Variants in ANKRD17 observed in about 807,000 individuals in gnomAD.
ANKRD17 encodes ankyrin repeat domain 17, also known as ankyrin repeat domain-containing protein 17.
Under a neutral mutation model 229.7 loss-of-function variants are expected in ANKRD17, and 19 were observed. The ratio of observed to expected loss-of-function variants is 0.08; its 90% CI spans 0.06 to 0.12. The LOEUF (loss-of-function observed/expected upper bound fraction) is 0.12. Among genes scored for constraint, ANKRD17 ranks in the 10% least tolerant of loss-of-function variants. The probability of loss-of-function intolerance (pLI) is 1.00; values close to 1 mark genes in which losing one functional copy is unlikely to be tolerated. For synonymous variants in ANKRD17, 1,112 were observed against 1,146.1 expected (o/e 0.97, Z 0.60); for missense variants, 2,176 against 3,176.8 (o/e 0.68, Z 7.57).
In ANKRD17 at chr4:73,125,409, A is replaced by T. The variant is rs1181840935; in HGVS notation, c.3235-97T>A. 5.7e-6 allele frequency: 5 copies of T among 880,834 alleles called. No homozygotes were observed. The East Asian group carries it at 1.1e-4, about 19-fold the overall frequency. The allele number at this position is 880,834 out of a possible 1,614,324, so 54.6% of individuals were successfully genotyped here. A position where few individuals can be genotyped will look rare whatever the true frequency, so the allele number is the denominator to read the frequency against. ...ACATATCAAATACACACAAATACAT[A>T]TGTACCACTCTACAATATCAAGCAT... On this transcript the variant is annotated intron_variant, in intron 16 of 33. Transcript: ENST00000358602.
At chr4:73,174,072 G>T (rs1469793660) in intron 2 of ANKRD17, among the ~76,000 whole-genome samples, 1 of 122,178 alleles carries the variant, frequency 8.2e-6, no homozygotes, top group Admixed American at 8.6e-5. Flanking sequence ...AAGGGAGAAG[G>T]AAGGCGAGGG....
At chr4:73,250,972 T>G (rs909415704) in intron 1 of ANKRD17, among the ~76,000 whole-genome samples, 1 of 152,000 alleles carries the variant, frequency 6.6e-6, no homozygotes, top group Non-Finnish European at 1.5e-5. Context: ...GAAGTAAACT[T>G]AAAAACTAAC....
rs986156718 is a variant in ANKRD17 at position 73,258,563 on chromosome 4, C to T, written c.106G>A (p.Gly36Ser). ...CTGCTGCTGCCGCCAACGCCGCCGCCGACCTCCGCCGCCGCGGGGGGGCCC... is the reference window on the plus strand; with the variant it reads ...CTGCTGCTGCCGCCAACGCCGCCGCTGACCTCCGCCGCCGCGGGGGGGCCC... ...VAGPPAAAEV[G>S]GGVGGSSRAR... The change falls in exon 1 of 34, where the codon GGC becomes AGC. Residue 36 changes from glycine to serine, a missense_variant. By Grantham distance (56) the Gly-to-Ser change is moderately conservative. Transcript: ENST00000358602. 6.8e-7 allele frequency: 1 copy of T among 1,462,752 alleles called. No homozygotes were observed. The highest frequency in any genetic ancestry group is 8.9e-7 in the Non-Finnish European group (1 of 1,118,394). 90.6% of individuals were successfully genotyped at this position (1,462,752 alleles called of 1,614,324 possible).
At chr4:73,123,877 T>G (rs934219900) in intron 18 of ANKRD17, among the ~76,000 whole-genome samples, 1 of 151,874 alleles carries the variant, frequency 6.6e-6, no homozygotes, top group African/African-American at 2.4e-5. Context: ...TCAGAATACC[T>G]TTACATATAA....
At chr4:73,172,422 T>C (rs1734163250) in intron 2 of ANKRD17, among the ~76,000 whole-genome samples, 1 of 152,186 alleles carries the variant, frequency 6.6e-6, no homozygotes, top group Non-Finnish European at 1.5e-5. Flanking sequence ...ACTAAAGAGA[T>C]TTCTTTAATC....
intron 1 of ANKRD17, among the ~76,000 whole-genome samples, chr4:73,186,905 T>C (rs1736370599): frequency 6.6e-6 from 1 of 152,170 alleles, no homozygotes; most frequent in South Asian, 2.1e-4. Flanking sequence ...TTATCAATTA[T>C]TGTAAAAGCA....
intron 1 of ANKRD17, among the ~76,000 whole-genome samples, chr4:73,256,971 C>T (rs1745508366): frequency 6.6e-6 from 1 of 152,184 alleles, no homozygotes; most frequent in Admixed American, 6.5e-5. Flanking sequence ...TGTGTCAAAT[C>T]CTTTAAAAGG....
At position 73,239,974 on chromosome 4, in the gene ANKRD17, C is replaced by T. The variant is rs76584949; in HGVS notation, c.393+18302G>A. Among the ~76,000 whole-genome samples the T allele has an allele frequency of 3.7e-3, 568 of 152,174 alleles. 4 individuals are homozygous for T. The highest frequency in any genetic ancestry group is 0.013 in the African/African-American group (539 of 41,506). On this transcript the variant is annotated intron_variant, in intron 1 of 33. Coordinates refer to ENST00000358602, the MANE Select transcript of ANKRD17 (RefSeq NM_032217.5). ...TCTTATACAAGCTCTTCTTTTTTGA[C>T]ATTTTCTGAACAGCAACTATGTAAG...
chr4:73,130,523 G>A (rs1728059794), intron 16 of ANKRD17, among the ~76,000 whole-genome samples: 1 of 151,676 alleles, frequency 6.6e-6, no homozygotes, highest in Non-Finnish European at 1.5e-5. Context: ...TACGTCACAA[G>A]TGAAATTTGA....
intron 15 of ANKRD17, among the ~76,000 whole-genome samples, chr4:73,136,980 G>GT (rs33966935): frequency 0.32 from 41,610 of 130,984 alleles, 7,418 homozygotes; most frequent in East Asian, 0.47. Flanking sequence ...AAATTACAGA[G>GT]TTTTTTTTTT....
intron 1 of ANKRD17, among the ~76,000 whole-genome samples, chr4:73,218,279 T>C (rs1741363773): frequency 1.3e-5 from 2 of 152,208 alleles, no homozygotes; most frequent in South Asian, 4.1e-4. Context: ...ACTATTCAGA[T>C]GGAATCAATG....
chr4:73,216,177 C>T (rs959007049), intron 1 of ANKRD17, among the ~76,000 whole-genome samples: 1 of 152,024 alleles, frequency 6.6e-6, no homozygotes, highest in African/African-American at 2.4e-5. Context: ...AAAACAATGC[C>T]ACTCTCACAA....
intron 1 of ANKRD17, among the ~76,000 whole-genome samples, chr4:73,211,385 G>C (rs986987707): frequency 3.3e-5 from 5 of 152,122 alleles, no homozygotes; most frequent in African/African-American, 1.2e-4. Flanking sequence ...TGAGTGGATA[G>C]AATGAAGTCA....
chr4:73,096,889 A>G (rs1723363884), intron 27 of ANKRD17, among the ~76,000 whole-genome samples: 1 of 152,208 alleles, frequency 6.6e-6, no homozygotes, highest in African/African-American at 2.4e-5. Flanking sequence ...GAAAGACACA[A>G]TCTAAAATAG....
At chr4:73,193,800 G>C (rs1737454839) in intron 1 of ANKRD17, among the ~76,000 whole-genome samples, 1 of 152,074 alleles carries the variant, frequency 6.6e-6, no homozygotes, top group African/African-American at 2.4e-5. Context: ...CAGGCGTGGT[G>C]GTGCACACCT....
rs367779207 is a variant in ANKRD17, at chr4:73,241,802, C to A, written c.393+16474G>T. The stretch of plus-strand genomic sequence containing the variant: ...AAATTAAAATATTAATGAAACTAAA[C>A]CAACAGTGCATTAAAATAATTCATC... On this transcript the variant is annotated intron_variant, in intron 1 of 33. Coordinates refer to ENST00000358602, the MANE Select transcript of ANKRD17 (RefSeq NM_032217.5). Among the ~76,000 whole-genome samples the A allele has an allele frequency of 3.2e-4, 48 of 152,040 alleles. No homozygotes were observed. In the South Asian group the frequency reaches 9.3e-3, roughly 30 times the overall value.
At chr4:73,105,270 A>T (rs922022645) in intron 24 of ANKRD17, among the ~76,000 whole-genome samples, 9 of 152,064 alleles carry the variant, frequency 5.9e-5, no homozygotes, top group African/African-American at 2.2e-4. Flanking sequence ...GGTAGCTGAA[A>T]CTAACAAATG....
intron 2 of ANKRD17, among the ~76,000 whole-genome samples, chr4:73,171,202 A>AGAGG (rs1553928573): frequency 1.3e-5 from 2 of 151,412 alleles, no homozygotes; most frequent in Non-Finnish European, 2.9e-5. Flanking sequence ...AGAGAGAGAG[A>AGAGG]GAGAGAGAGA....
chr4:73,214,622 C>A (rs1463605309), intron 1 of ANKRD17, among the ~76,000 whole-genome samples: 1 of 151,540 alleles, frequency 6.6e-6, no homozygotes, highest in Non-Finnish European at 1.5e-5. Context: ...TCTCTGCATG[C>A]ACTCACAATT....
Sources: allele counts gnomAD v4.1 joint callset (sites outside exome capture counted in the v4.1 genomes callset), GRCh38; gene constraint gnomAD v4.1.1; transcripts MANE v1.5; gene names NCBI Gene and HGNC (gene_info 2026-07-23, HGNC 2026-07-21).